KMT2D: variants seen among roughly 807,000 people sequenced by gnomAD.
KMT2D encodes lysine methyltransferase 2D.
KMT2D carries 55 observed loss-of-function variants against 512.7 expected under a neutral mutation model. The observed-to-expected ratio is 0.11, with a 90% CI of 0.09 to 0.13. KMT2D has a LOEUF of 0.13. Among genes scored for constraint, KMT2D ranks in the 10% least tolerant of loss-of-function variants. The pLI is 1.00. For synonymous variants in KMT2D, 2,995 were observed against 2,904.0 expected, an observed-to-expected ratio of 1.03 and a Z score of -1.01; for missense variants, 6,061 against 7,127.9, an observed-to-expected ratio of 0.85 and a Z score of 5.39.
Position 49,021,225 on chromosome 12 carries a change from G to C in KMT2D, c.*555C>G, listed in dbSNP as rs944837969. ...GGAAAACAAGGAAACACAACCCATA[G>C]AGAGACAGAAACACAGAGGAAAAGA... is the stretch of plus-strand genomic sequence containing the variant. On this transcript the variant is annotated 3_prime_UTR_variant, in exon 55 of 55. Coordinates refer to ENST00000301067, the MANE Select transcript of KMT2D (RefSeq NM_003482.4). 5.0e-6 allele frequency: 1 copy of C among 201,070 alleles called. No individual in the cohort carries two copies. Among genetic ancestry groups the C allele is most frequent in the African/African-American group, 2.3e-5 (1 of 43,270 alleles). The allele number at this position is 201,070 out of a possible 1,614,324, so 12.5% of individuals were successfully genotyped here.
In KMT2D at chr12:49,038,081, C is replaced by T; in HGVS notation, c.9275G>A (p.Gly3092Glu). The T allele has an allele frequency of 6.2e-7, 1 of 1,613,624 alleles. No homozygotes were observed. Among genetic ancestry groups the T allele is most frequent in the South Asian group, 1.1e-5 (1 of 91,054 alleles). Residue 3092 changes from glycine (G) to glutamate (E), a missense_variant, in exon 35 of 55, where the codon GGA becomes GAA. Physicochemically the swap from Gly to Glu is moderately conservative, Grantham distance 98. Transcript: ENST00000301067. The surrounding 1 kb of genome is among the most constrained non-coding windows in gnomAD (Gnocchi z 5.7). The part of the protein sequence containing the change: ...REALLRGVEP[G>E]PLGPEERPPP... ...AGGGCGCTCCTCAGGGCCCAAGGGT[C>T]CTGGCTCCACCCCCCGCAGCAGGGC...
intron 8 of KMT2D, 61 bp downstream of exon 8, chr12:49,053,146 G>A (rs762022117): frequency 6.2e-7 from 1 of 1,611,072 alleles, no homozygotes; most frequent in Non-Finnish European, 8.5e-7. Context: ...AACTTGTCAA[G>A]ACAGAGAATG....
chr12:49,048,588 T>A, intron 14 of KMT2D, 71 bp downstream of exon 14: 2 of 1,013,740 alleles, frequency 2.0e-6, no homozygotes, highest in South Asian at 2.7e-5. Flanking sequence ...TAGGTCCAGT[T>A]TTCCCATCTA....
intron 10 of KMT2D, 34 bp from the exon 11 acceptor site, chr12:49,052,458 C>G: frequency 6.5e-7 from 1 of 1,545,432 alleles, no homozygotes; most frequent in South Asian, 1.2e-5. Flanking sequence ...TCCTATCTAG[C>G]TCAGATCTAC....
intron 36 of KMT2D, 56 bp from the exon 37 acceptor site, chr12:49,034,722 A>T (rs2120458752): frequency 6.2e-7 from 1 of 1,607,266 alleles, no homozygotes; most frequent in South Asian, 1.1e-5. Context: ...GTTGGAAAGC[A>T]AAGAGACGTG....
chr12:49,052,486 G>A (rs1164204410), intron 10 of KMT2D, 62 bp from the exon 11 acceptor site: 4 of 1,566,500 alleles, frequency 2.6e-6, no homozygotes, highest in Non-Finnish European at 3.5e-6. Context: ...AAAGTGTGGG[G>A]TCTGGGGCAA....
chr12:49,034,627 TCCC>T lies in KMT2D; in HGVS notation c.10392_10394del (p.Gly3465del). 6.2e-7 allele frequency: 1 copy of T among 1,612,954 alleles called. No homozygotes were observed. Among genetic ancestry groups the T allele is most frequent in the Non-Finnish European group, 8.5e-7 (1 of 1,179,616 alleles). ...CATGGTTCTGCAGATCACTGCTAGGTCCCCCCGAGAGCCTCTGGGCTAGCAGAG... is the reference window on the plus strand; with the variant it reads ...CATGGTTCTGCAGATCACTGCTAGGTCCCGAGAGCCTCTGGGCTAGCAGAG... On this transcript the variant is annotated inframe_deletion, in exon 37 of 55. Coordinates refer to ENST00000301067, the MANE Select transcript of KMT2D (RefSeq NM_003482.4).
rs948980634 is a variant in KMT2D at position 49,037,992 on chromosome 12, C to G, written c.9364G>C (p.Val3122Leu). Reference protein sequence around the residue: ...ASVLPEVKPKVEEGGRHPSPC... With the variant: ...ASVLPEVKPKLEEGGRHPSPC... ...GAAGGGTGGCGTCCACCCTCCTCCACCTTGGGCTTCACCTCAGGGAGCACA... is the reference window on the plus strand; with the variant it reads ...GAAGGGTGGCGTCCACCCTCCTCCAGCTTGGGCTTCACCTCAGGGAGCACA... The change falls in exon 35 of 55, where the codon GTG becomes CTG. Residue 3122 changes from valine to leucine, a missense_variant. Around this residue, in one of 16 missense-constraint regions of KMT2D, gnomAD observed 533 missense variants for 539.6 expected, o/e 0.99. Transcript: ENST00000301067. The G allele has an allele frequency of 1.9e-6, 3 of 1,603,382 alleles. No homozygotes were observed. In the African/African-American group the frequency reaches 4.0e-5, roughly 21 times the overall value.
Position 49,053,636 on chromosome 12 carries a change from C to T in KMT2D, c.679G>A (p.Ala227Thr), listed in dbSNP as rs2120699263. The change falls in exon 7 of 55, where the codon GCT (alanine) becomes ACT (threonine). Residue 227 changes from alanine to threonine, a missense_variant. Physicochemically the swap from Ala to Thr is moderately conservative, Grantham distance 58. Coordinates refer to ENST00000301067, the MANE Select transcript of KMT2D (RefSeq NM_003482.4). ...GGCCCCTCACACACTGCACAGCGAG[C>T]CTCCTCTGCAGGGGGTAGAGACACC... is the stretch of plus-strand genomic sequence containing the variant. ...HSEGAAYLEEARCAVCEGPGE... is the reference protein window; with the variant it reads ...HSEGAAYLEETRCAVCEGPGE... 1 of 1,592,588 alleles carries T rather than the reference C, an allele frequency of 6.3e-7. No homozygotes were observed. Among genetic ancestry groups the T allele is most frequent in the Non-Finnish European group, 8.5e-7 (1 of 1,170,020 alleles).
rs2120556672 is a variant in KMT2D, at chr12:49,042,569, C to T, written c.5859G>A (p.Leu1953=). The T allele has an allele frequency of 6.2e-7, 1 of 1,613,782 alleles. No homozygotes were observed. Among genetic ancestry groups the T allele is most frequent in the South Asian group, 1.1e-5 (1 of 91,068 alleles). The part of the protein sequence containing the change: ...SYPGLCQSPF[L]DSRERGGFFS... Reference sequence around the variant, plus strand: ...TACGCAGAGACACCAACCTAGAATCCAGGAACGGGGACTGGCAGAGGCCTG... The same window carrying T: ...TACGCAGAGACACCAACCTAGAATCTAGGAACGGGGACTGGCAGAGGCCTG... The change falls in exon 28 of 55, where the codon CTG becomes CTA. Residue 1953 remains leucine, a synonymous_variant. Transcript: ENST00000301067. The surrounding 1 kb of genome is among the most constrained non-coding windows in gnomAD (Gnocchi z 4.4).
At position 49,033,166 on chromosome 12, in the gene KMT2D, G is replaced by C; in HGVS notation, c.11539C>G (p.Leu3847Val). ...GCTGTGACCAGCCTGTGTCCCATAA[G>C]GCCCTGACCCTGCTGTGCCAGCTGG... is the stretch of plus-strand genomic sequence containing the variant. The part of the protein sequence containing the change: ...SPQLAQQGQG[L>V]MGHRLVTAQQ... Residue 3847 changes from leucine to valine, a missense_variant, in exon 40 of 55, where the codon CTT becomes GTT. Leu to Val is a conservative substitution (Grantham distance 32). Transcript: ENST00000301067. The C allele has an allele frequency of 1.9e-6, 3 of 1,550,506 alleles. No homozygotes were observed. Among genetic ancestry groups the C allele is most frequent in the Non-Finnish European group, 2.6e-6 (3 of 1,146,202 alleles).
In KMT2D at chr12:49,042,901, G is replaced by A; in HGVS notation, c.5645-23C>T. On this transcript the variant is annotated intron_variant, in intron 26 of 54. Transcript: ENST00000301067. The surrounding 1 kb of genome is among the most constrained non-coding windows in gnomAD (Gnocchi z 4.4). Reference sequence around the variant, plus strand: ...GTTCTGTGGGGGAATGAAGGACACTGTTGAGGAAGACTGGGAAGTTCAGGT... The same window carrying A: ...GTTCTGTGGGGGAATGAAGGACACTATTGAGGAAGACTGGGAAGTTCAGGT... The A allele has an allele frequency of 6.2e-7, 1 of 1,613,396 alleles. No homozygotes were observed. Among genetic ancestry groups the A allele is most frequent in the South Asian group, 1.1e-5 (1 of 91,054 alleles).
Position 49,051,860 on chromosome 12 carries a change from A to C in KMT2D, c.1823T>G (p.Leu608Arg). 1 of 1,611,894 alleles carries C rather than the reference A, an allele frequency of 6.2e-7. No individual in the cohort carries two copies. Among genetic ancestry groups the C allele is most frequent in the Non-Finnish European group, 8.5e-7 (1 of 1,179,190 alleles). ...GGGAGACTCCTCAGGTGGAGGGGACAGAGGAGACTCTTCAAATGGTGGGAA... is the reference window on the plus strand; with the variant it reads ...GGGAGACTCCTCAGGTGGAGGGGACCGAGGAGACTCTTCAAATGGTGGGAA... ...RLFPPFEESPLSPPPEESPLS... is the reference protein window; with the variant it reads ...RLFPPFEESPRSPPPEESPLS... The change falls in exon 11 of 55, where the codon CTG becomes CGG. Residue 608 changes from leucine (L) to arginine (R), a missense_variant. This residue lies in a region of KMT2D where 848 missense variants were observed against 838.5 expected (regional missense o/e 1.01). Coordinates refer to ENST00000301067, the MANE Select transcript of KMT2D (RefSeq NM_003482.4).
At chr12:49,052,467 A>C (rs1387082122) in intron 10 of KMT2D, 43 bp from the exon 11 acceptor site, 2 of 1,551,356 alleles carry the variant, frequency 1.3e-6, no homozygotes, top group Admixed American at 3.7e-5. Context: ...GCTCAGATCT[A>C]CTCCACAGAA....
rs1440549868 is a variant in KMT2D at position 49,042,868 on chromosome 12, C to A, written c.5655G>T (p.Lys1885Asn). ...GCTGCTGCAGGTCCTTGGATTCCAT[C>A]TTGGGCAGTTCTGTGGGGGAATGAA... ...LDRISTEELP[K>N]MESKDLQQLF... Residue 1885 changes from lysine (K) to asparagine (N), a missense_variant, in exon 27 of 55, where the codon AAG becomes AAT. Lys to Asn is a moderately conservative substitution (Grantham distance 94, BLOSUM62 0). This residue lies in a region of KMT2D where 640 missense variants were observed against 814.3 expected (regional missense o/e 0.79). Coordinates refer to ENST00000301067, the MANE Select transcript of KMT2D (RefSeq NM_003482.4). This position sits in a 1 kb window ranked among gnomAD's most constrained non-coding sequence, Gnocchi z 4.4. 3 of 1,613,770 alleles carry A rather than the reference C, an allele frequency of 1.9e-6. No homozygotes were observed. Among genetic ancestry groups the A allele is most frequent in the Admixed American group, 3.3e-5 (2 of 59,986 alleles).
At position 49,041,324 on chromosome 12, in the gene KMT2D, G is replaced by C; in HGVS notation, c.6446C>G (p.Ser2149Trp). The change falls in exon 32 of 55, where the codon TCG becomes TGG. Residue 2149 changes from serine (S) to tryptophan (W), a missense_variant. By Grantham distance (177) the Ser-to-Trp change is radical (BLOSUM62 -3). Around this residue, in one of 16 missense-constraint regions of KMT2D, gnomAD observed 710 missense variants for 647.3 expected, o/e 1.10. Coordinates refer to ENST00000301067, the MANE Select transcript of KMT2D (RefSeq NM_003482.4). The surrounding 1 kb of genome is among the most constrained non-coding windows in gnomAD (Gnocchi z 5.4). ...ADGFLKPPAG[S>W]VPGPDSPGEL... ...ACCAGGCGAGTCAGGGCCAGGCACCGAGCCCGCCGGCGGCTTCAGGAACCC... is the reference window on the plus strand; with the variant it reads ...ACCAGGCGAGTCAGGGCCAGGCACCCAGCCCGCCGGCGGCTTCAGGAACCC... 1.9e-6 allele frequency: 3 copies of C among 1,539,030 alleles called. No individual in the cohort carries two copies. Among genetic ancestry groups the C allele is most frequent in the Non-Finnish European group, 8.7e-7 (1 of 1,144,932 alleles).
chr12:49,029,704 T>TG (rs1246613119), intron 43 of KMT2D, among the ~76,000 whole-genome samples: 17 of 146,280 alleles, frequency 1.2e-4, no homozygotes, highest in African/African-American at 3.8e-4. Context: ...CCCGTAGAGA[T>TG]GGGGTCTTGT....
rs2120573323 is a variant in KMT2D at position 49,043,790 on chromosome 12, G to A, written c.5320-8C>T. On this transcript the variant is annotated splice_region_variant and splice_polypyrimidine_tract_variant and intron_variant, in intron 23 of 54. Coordinates refer to ENST00000301067, the MANE Select transcript of KMT2D (RefSeq NM_003482.4). ...CTTCCCAAAGAAGGCTTCCTGTGGGGCAGTCAAGGAGAAACAGTTTTCTTC... is the reference window on the plus strand; with the variant it reads ...CTTCCCAAAGAAGGCTTCCTGTGGGACAGTCAAGGAGAAACAGTTTTCTTC... The A allele has an allele frequency of 2.5e-6, 4 of 1,612,512 alleles. No individual in the cohort carries two copies. The highest frequency in any genetic ancestry group is 3.4e-6 in the Non-Finnish European group (4 of 1,178,852).
At position 49,029,243 on chromosome 12, in the gene KMT2D, A is replaced by C; in HGVS notation, c.14076-7T>G. The C allele has an allele frequency of 6.2e-7, 1 of 1,609,004 alleles. No homozygotes were observed. Among genetic ancestry groups the C allele is most frequent in the South Asian group, 1.1e-5 (1 of 91,006 alleles). On this transcript the variant is annotated splice_polypyrimidine_tract_variant and splice_region_variant and intron_variant, in intron 44 of 54. Transcript: ENST00000301067. ...ATCCTCATCACTCTCCATCCTGGGGACCAAAAGTAGACATTTGTTGCTACA... is the reference window on the plus strand; with the variant it reads ...ATCCTCATCACTCTCCATCCTGGGGCCCAAAAGTAGACATTTGTTGCTACA...
Sources: gnomAD v4.1 joint callset for allele counts (sites outside exome capture counted in the v4.1 genomes callset) on GRCh38, gnomAD v4.1.1 for gene constraint, gnomAD v4.1.1 regional missense constraint, Gnocchi (gnomAD v3.1) non-coding constraint, MANE v1.5 for transcripts, NCBI Gene and HGNC (gene_info 2026-07-23, HGNC 2026-07-21) for gene names.